MAP1A: variants seen among roughly 807,000 people sequenced by gnomAD.
The protein encoded by MAP1A is microtubule associated protein 1A.
A neutral mutation model predicts 185.9 loss-of-function variants in MAP1A; 42 were observed. That is an observed-to-expected ratio of 0.23 (90% CI 0.18 to 0.29). MAP1A has a LOEUF of 0.29. MAP1A is among the 10% of genes least tolerant of loss of function. The pLI, the probability that MAP1A is intolerant of heterozygous loss-of-function variation, is 1.00. For missense variants in MAP1A, 2,995 were observed against 3,450.4 expected (o/e 0.87, Z 3.31); for synonymous variants, 1,229 against 1,335.9 (o/e 0.92, Z 1.74).
In MAP1A at chr15:43,529,804, C is replaced by T. The variant is rs532859648; in HGVS notation, c.8190C>T (p.Gly2730=). Residue 2730 remains glycine (G), a synonymous_variant, in exon 5 of 6, where the codon GGC becomes GGT. Coordinates refer to ENST00000300231, the MANE Select transcript of MAP1A (RefSeq NM_002373.6). The surrounding 1 kb of genome is among the most constrained non-coding windows in gnomAD (Gnocchi z 4.3). ...YVVSGNDPAN[G]EPSRAVLDAL... The stretch of plus-strand genomic sequence containing the variant: ...TCAGTGGGAATGACCCTGCCAATGG[C>T]GAGCCAAGCCGGGCTGTGCTGGATG... The T allele has an allele frequency of 1.9e-6, 3 of 1,614,104 alleles. No individual in the cohort carries two copies. The highest frequency in any genetic ancestry group is 2.2e-5 in the South Asian group (2 of 91,084).
chr15:43,527,553 A>G lies in MAP1A; in HGVS notation c.6080A>G (p.Gln2027Arg). 1 of 1,614,122 alleles carries G rather than the reference A, an allele frequency of 6.2e-7. No individual in the cohort carries two copies. Among genetic ancestry groups the G allele is most frequent in the Non-Finnish European group, 8.5e-7 (1 of 1,179,998 alleles). ...TCTCCTATCTCACCCAAGAGCCTCC[A>G]GTCTGACACTCCAACCTTCAGCTAT... ...LSSPISPKSL[Q>R]SDTPTFSYAA... Residue 2027 changes from glutamine to arginine, a missense_variant, in exon 4 of 6, where the codon CAG becomes CGG. By Grantham distance (43) the Gln-to-Arg change is conservative (BLOSUM62 1). Around this residue, in one of 3 missense-constraint regions of MAP1A, gnomAD observed 2,728 missense variants for 2,986.0 expected, o/e 0.91. Coordinates refer to ENST00000300231, the MANE Select transcript of MAP1A (RefSeq NM_002373.6).
At position 43,529,331 on chromosome 15, in the gene MAP1A, C is replaced by T. The variant is rs183805091; in HGVS notation, c.7858C>T (p.Arg2620Trp). The T allele has an allele frequency of 1.6e-4, 261 of 1,613,986 alleles. 1 individual carries two copies. In the East Asian group the frequency reaches 3.6e-3, roughly 22 times the overall value. Residue 2620 changes from arginine to tryptophan, a missense_variant, in exon 4 of 6, where the codon CGG becomes TGG. By Grantham distance (101) the Arg-to-Trp change is moderately radical. Transcript: ENST00000300231. The surrounding 1 kb of genome is among the most constrained non-coding windows in gnomAD (Gnocchi z 4.3). ...PGKAKPASPARRLDLRGKRSP... is the reference protein window; with the variant it reads ...PGKAKPASPAWRLDLRGKRSP... ...CAAGGCCAAGCCAGCGTCCCCTGCA[C>T]GGCGTCTGGATCTTCGGGGAAAACG...
At position 43,527,565 on chromosome 15, in the gene MAP1A, C is replaced by T. The variant is rs2079350827; in HGVS notation, c.6092C>T (p.Pro2031Leu). Residue 2031 changes from proline to leucine, a missense_variant, in exon 4 of 6, where the codon CCA (proline) becomes CTA (leucine). Pro to Leu is a moderately conservative substitution (Grantham distance 98). Transcript: ENST00000300231. ...ISPKSLQSDT[P>L]TFSYAALAGP... ...CCCAAGAGCCTCCAGTCTGACACTC[C>T]AACCTTCAGCTATGCAGCCCTGGCA... The T allele has an allele frequency of 6.2e-7, 1 of 1,614,142 alleles. No individual in the cohort carries two copies. Among genetic ancestry groups the T allele is most frequent in the East Asian group, 2.2e-5 (1 of 44,884 alleles).
chr15:43,511,304 T>C (rs2079276442), intron 1 of MAP1A: 4 of 1,086,740 alleles, frequency 3.7e-6, no homozygotes, highest in Non-Finnish European at 5.4e-6. Flanking sequence ...TACCAATGCA[T>C]ACGTCTGCAT....
Position 43,526,350 on chromosome 15 carries a change from G to A in MAP1A, c.4877G>A (p.Ser1626Asn), listed in dbSNP as rs773767974. ...ACCAAAGCTCTGGGCCTGGAAGAGAGCCTAGTGCAGGAGGGCAGGGCCAGA... is the reference window on the plus strand; with the variant it reads ...ACCAAAGCTCTGGGCCTGGAAGAGAACCTAGTGCAGGAGGGCAGGGCCAGA... ...EKTKALGLEESLVQEGRAREQ... is the reference protein window; with the variant it reads ...EKTKALGLEENLVQEGRAREQ... Residue 1626 changes from serine (S) to asparagine (N), a missense_variant, in exon 4 of 6, where the codon AGC becomes AAC. Around this residue, in one of 3 missense-constraint regions of MAP1A, gnomAD observed 2,728 missense variants for 2,986.0 expected, o/e 0.91. Coordinates refer to ENST00000300231, the MANE Select transcript of MAP1A (RefSeq NM_002373.6). This position sits in a 1 kb window ranked among gnomAD's most constrained non-coding sequence, Gnocchi z 4.7. 8.7e-6 allele frequency: 14 copies of A among 1,614,214 alleles called. No individual in the cohort carries two copies. The highest frequency in any genetic ancestry group is 1.6e-4 in the Middle Eastern group (1 of 6,062).
At position 43,527,495 on chromosome 15, in the gene MAP1A, G is replaced by A. The variant is rs1171034959; in HGVS notation, c.6022G>A (p.Gly2008Ser). The change falls in exon 4 of 6, where the codon GGC becomes AGC. Residue 2008 changes from glycine to serine, a missense_variant. Physicochemically the swap from Gly to Ser is moderately conservative, Grantham distance 56 (BLOSUM62 0). This residue lies in a region of MAP1A where 2,728 missense variants were observed against 2,986.0 expected (regional missense o/e 0.91). Transcript: ENST00000300231. Reference protein sequence around the residue: ...PCLSTKEAAAGRNTSAEKELS... With the variant: ...PCLSTKEAAASRNTSAEKELS... The stretch of plus-strand genomic sequence containing the variant: ...CCTCTCAACCAAGGAGGCAGCTGCC[G>A]GCCGAAACACATCTGCAGAGAAGGA... 3.7e-6 allele frequency: 6 copies of A among 1,614,034 alleles called. No homozygotes were observed. The highest frequency in any genetic ancestry group is 2.2e-5 in the East Asian group (1 of 44,876).
rs764809802 is a variant in MAP1A at position 43,527,489 on chromosome 15, G to A, written c.6016G>A (p.Ala2006Thr). ...WPPCLSTKEA[A>T]AGRNTSAEKE... ...CCCATGCCTCTCAACCAAGGAGGCA[G>A]CTGCCGGCCGAAACACATCTGCAGA... is the stretch of plus-strand genomic sequence containing the variant. The change falls in exon 4 of 6, where the codon GCT (alanine) becomes ACT (threonine). Residue 2006 changes from alanine to threonine, a missense_variant. Coordinates refer to ENST00000300231, the MANE Select transcript of MAP1A (RefSeq NM_002373.6). 4 of 1,613,986 alleles carry A rather than the reference G, an allele frequency of 2.5e-6. No homozygotes were observed. The Admixed American group carries it at 5.0e-5, about 20-fold the overall frequency.
chr15:43,530,022 C>T (rs769507775), intron 5 of MAP1A, 47 bp from the exon 6 acceptor site: 2 of 1,602,662 alleles, frequency 1.2e-6, no homozygotes, highest in African/African-American at 1.3e-5. Context: ...CCCTCACCTA[C>T]CTTCCCTTTA....
chr15:43,525,171 G>A lies in MAP1A; in HGVS notation c.3698G>A (p.Gly1233Glu), dbSNP rs1213241893. The A allele has an allele frequency of 6.8e-6, 11 of 1,614,006 alleles. No homozygotes were observed. Among genetic ancestry groups the A allele is most frequent in the Non-Finnish European group, 8.5e-6 (10 of 1,180,034 alleles). The change falls in exon 4 of 6, where the codon GGG becomes GAG. Residue 1233 changes from glycine (G) to glutamate (E), a missense_variant. Around this residue, in one of 3 missense-constraint regions of MAP1A, gnomAD observed 2,728 missense variants for 2,986.0 expected, o/e 0.91. Coordinates refer to ENST00000300231, the MANE Select transcript of MAP1A (RefSeq NM_002373.6). ...CTCCAGTTTGGGGAACTAAACCTTGGGAAGGAAGAAATGGGGCATCTGATG... is the reference window on the plus strand; with the variant it reads ...CTCCAGTTTGGGGAACTAAACCTTGAGAAGGAAGAAATGGGGCATCTGATG... The part of the protein sequence containing the change: ...GTLQFGELNL[G>E]KEEMGHLMQA...
rs747112390 is a variant in MAP1A, at chr15:43,526,682, G to A, written c.5209G>A (p.Glu1737Lys). The part of the protein sequence containing the change: ...STFLDEGPDD[E>K]QEVPLREHAT... ...TTTCCTAGATGAGGGCCCAGATGAT[G>A]AGCAAGAAGTACCCCTGCGGGAACA... The change falls in exon 4 of 6, where the codon GAG (glutamate) becomes AAG (lysine). Residue 1737 changes from glutamate to lysine, a missense_variant. This residue lies in a region of MAP1A where 2,728 missense variants were observed against 2,986.0 expected (regional missense o/e 0.91). Coordinates refer to ENST00000300231, the MANE Select transcript of MAP1A (RefSeq NM_002373.6). This position sits in a 1 kb window ranked among gnomAD's most constrained non-coding sequence, Gnocchi z 4.7. 4.3e-6 allele frequency: 7 copies of A among 1,613,932 alleles called. No individual in the cohort carries two copies. In the South Asian group the frequency reaches 4.4e-5, roughly 10 times the overall value.
Position 43,521,302 on chromosome 15 carries a change from T to C in MAP1A, c.-150-22T>C, listed in dbSNP as rs1566976888. 1.3e-6 allele frequency: 2 copies of C among 1,575,760 alleles called. No homozygotes were observed. On this transcript the variant is annotated intron_variant, in intron 3 of 5. Transcript: ENST00000300231. The surrounding 1 kb of genome is among the most constrained non-coding windows in gnomAD (Gnocchi z 4.6). ...AAACAACTCTAGTGACCTGATCAGG[T>C]TTCTATCTCCTATTCTTCTAGATTT...
Position 43,528,680 on chromosome 15 carries a change from C to G in MAP1A, c.7207C>G (p.Pro2403Ala), listed in dbSNP as rs1365721074. The change falls in exon 4 of 6, where the codon CCT (proline) becomes GCT (alanine). Residue 2403 changes from proline (P) to alanine (A), a missense_variant. Around this residue, in one of 3 missense-constraint regions of MAP1A, gnomAD observed 2,728 missense variants for 2,986.0 expected, o/e 0.91. Transcript: ENST00000300231. ...WPEGAERSSR[P>A]DTLLSPEQPV... ...TGAAGGAGCTGAGAGGAGCTCCCGG[C>G]CTGACACATTGCTCTCCCCTGAGCA... is the stretch of plus-strand genomic sequence containing the variant. The G allele has an allele frequency of 1.2e-6, 2 of 1,613,632 alleles. No homozygotes were observed. The highest frequency in any genetic ancestry group is 2.7e-5 in the African/African-American group (2 of 74,952).
Position 43,522,463 on chromosome 15 carries a change from C to A in MAP1A, c.990C>A (p.Ala330=). 1 of 1,613,956 alleles carries A rather than the reference C, an allele frequency of 6.2e-7. No individual in the cohort carries two copies. Among genetic ancestry groups the A allele is most frequent in the South Asian group, 1.1e-5 (1 of 91,060 alleles). ...GCCTCAAAGCCACTACCAAGACGGCCGTGAGCAAGTTGGCCAAACGGGAGG... is the reference window on the plus strand; with the variant it reads ...GCCTCAAAGCCACTACCAAGACGGCAGTGAGCAAGTTGGCCAAACGGGAGG... The part of the protein sequence containing the change: ...KESLKATTKT[A]VSKLAKREEV... Residue 330 remains alanine (A), a synonymous_variant, in exon 4 of 6, where the codon GCC becomes GCA. Transcript: ENST00000300231. This position sits in a 1 kb window ranked among gnomAD's most constrained non-coding sequence, Gnocchi z 5.9.
chr15:43,529,298 G>T lies in MAP1A; in HGVS notation c.7825G>T (p.Ala2609Ser), dbSNP rs1446935218. ...GGTTCAGGGGCGAGTAGGGCGCAGGGCCCCAGGCAAGGCCAAGCCAGCGTC... is the reference window on the plus strand; with the variant it reads ...GGTTCAGGGGCGAGTAGGGCGCAGGTCCCCAGGCAAGGCCAAGCCAGCGTC... Reference protein sequence around the residue: ...EKVQGRVGRRAPGKAKPASPA... With the variant: ...EKVQGRVGRRSPGKAKPASPA... The change falls in exon 4 of 6, where the codon GCC becomes TCC. Residue 2609 changes from alanine (A) to serine (S), a missense_variant. Transcript: ENST00000300231. This position sits in a 1 kb window ranked among gnomAD's most constrained non-coding sequence, Gnocchi z 4.3. 1 of 1,613,982 alleles carries T rather than the reference G, an allele frequency of 6.2e-7. No homozygotes were observed. The highest frequency in any genetic ancestry group is 1.1e-5 in the South Asian group (1 of 91,076).
At position 43,526,018 on chromosome 15, in the gene MAP1A, C is replaced by T. The variant is rs1175496800; in HGVS notation, c.4545C>T (p.Val1515=). 3 of 1,613,306 alleles carry T rather than the reference C, an allele frequency of 1.9e-6. No homozygotes were observed. The highest frequency in any genetic ancestry group is 1.3e-5 in the African/African-American group (1 of 74,764). ...SVEHKAPEDT[V]AEMKDRDLEQ... ...AACATAAGGCTCCGGAGGACACGGTCGCTGAAATGAAGGACAGAGACCTAG... is the reference window on the plus strand; with the variant it reads ...AACATAAGGCTCCGGAGGACACGGTTGCTGAAATGAAGGACAGAGACCTAG... The change falls in exon 4 of 6, where the codon GTC becomes GTT. Residue 1515 remains valine (V), a synonymous_variant. Transcript: ENST00000300231. The surrounding 1 kb of genome is among the most constrained non-coding windows in gnomAD (Gnocchi z 4.7).
chr15:43,528,669 G>A lies in MAP1A; in HGVS notation c.7196G>A (p.Arg2399Lys), dbSNP rs566943070. The change falls in exon 4 of 6, where the codon AGG becomes AAG. Residue 2399 changes from arginine (R) to lysine (K), a missense_variant. This residue lies in a region of MAP1A where 2,728 missense variants were observed against 2,986.0 expected (regional missense o/e 0.91). Transcript: ENST00000300231. Reference protein sequence around the residue: ...ERGAWPEGAERSSRPDTLLSP... With the variant: ...ERGAWPEGAEKSSRPDTLLSP... The stretch of plus-strand genomic sequence containing the variant: ...GGGGCCTGGCCTGAAGGAGCTGAGA[G>A]GAGCTCCCGGCCTGACACATTGCTC... 1 of 1,613,536 alleles carries A rather than the reference G, an allele frequency of 6.2e-7. No homozygotes were observed. The highest frequency in any genetic ancestry group is 1.1e-5 in the South Asian group (1 of 91,038).
intron 1 of MAP1A, among the ~76,000 whole-genome samples, chr15:43,518,348 C>T (rs1275103026): frequency 1.3e-5 from 2 of 152,044 alleles, no homozygotes; most frequent in Non-Finnish European, 2.9e-5. Flanking sequence ...ACTCTGGAGA[C>T]GGAGAACTCC....
At position 43,523,692 on chromosome 15, in the gene MAP1A, T is replaced by A. The variant is rs1461455270; in HGVS notation, c.2219T>A (p.Ile740Asn). 4.3e-6 allele frequency: 7 copies of A among 1,613,914 alleles called. No individual in the cohort carries two copies. Reference sequence around the variant, plus strand: ...GTCTCTTACATCCAGGATGAGACAATCCCTGGCTACTCAGAGACTGAGCAG... The same window carrying A: ...GTCTCTTACATCCAGGATGAGACAAACCCTGGCTACTCAGAGACTGAGCAG... Reference protein sequence around the residue: ...EHVSYIQDETIPGYSETEQTI... With the variant: ...EHVSYIQDETNPGYSETEQTI... Residue 740 changes from isoleucine to asparagine, a missense_variant, in exon 4 of 6, where the codon ATC becomes AAC. Physicochemically the swap from Ile to Asn is moderately radical, Grantham distance 149. Coordinates refer to ENST00000300231, the MANE Select transcript of MAP1A (RefSeq NM_002373.6).
rs1271143832 is a variant in MAP1A at position 43,524,021 on chromosome 15, T to C, written c.2548T>C (p.Ser850Pro). The C allele has an allele frequency of 6.2e-7, 1 of 1,614,052 alleles. No homozygotes were observed. The highest frequency in any genetic ancestry group is 1.1e-5 in the South Asian group (1 of 91,086). Residue 850 changes from serine to proline, a missense_variant, in exon 4 of 6, where the codon TCT becomes CCT. This residue lies in a region of MAP1A where 2,728 missense variants were observed against 2,986.0 expected (regional missense o/e 0.91). Transcript: ENST00000300231. ...TGCCACATCAGTGGCTGAGGACCAA[T>C]CTGTGGCCTCACTTACAGCTCCCCA... ...SFATSVAEDQ[S>P]VASLTAPQTE...
Sources: gnomAD v4.1 joint callset for allele counts (sites outside exome capture counted in the v4.1 genomes callset) on GRCh38, gnomAD v4.1.1 for gene constraint, gnomAD v4.1.1 regional missense constraint, Gnocchi (gnomAD v3.1) non-coding constraint, MANE v1.5 for transcripts, NCBI Gene and HGNC (gene_info 2026-07-23, HGNC 2026-07-21) for gene names.